Variants in MYO18B observed in about 807,000 individuals in gnomAD.
MYO18B encodes the protein myosin XVIIIB.
MYO18B carries 204 observed loss-of-function variants against 273.0 expected under a neutral mutation model. The observed-to-expected ratio is 0.75, with a 90% CI of 0.67 to 0.84. The LOEUF (loss-of-function observed/expected upper bound fraction) is 0.84. Ranked by LOEUF, MYO18B falls within the 40% of genes least tolerant of loss-of-function variation. The probability of loss-of-function intolerance (pLI) is 0.00; values close to 1 mark genes in which losing one functional copy is unlikely to be tolerated. For synonymous variants in MYO18B, 1,330 were observed against 1,305.7 expected, an observed-to-expected ratio of 1.02 and a Z score of -0.40; for missense variants, 3,212 against 3,287.6, an observed-to-expected ratio of 0.98 and a Z score of 0.56.
At position 25,756,936 on chromosome 22, in the gene MYO18B, C is replaced by T. The variant is rs559691928; in HGVS notation, c.-109-4048C>T. On this transcript the variant is annotated intron_variant, in intron 1 of 43. Transcript: ENST00000335473. ...ATTAGCCAGGCATGGTGGCATGTGC[C>T]TGTAATCCCAGCTACTCAGGAGGCT... is the stretch of plus-strand genomic sequence containing the variant. 2.8e-4 allele frequency among the ~76,000 whole-genome samples: 43 copies of T among 152,292 alleles called. No homozygotes were observed. The South Asian group carries it at 8.9e-3, about 32-fold the overall frequency.
At chr22:25,782,580 G>T (rs1353712774) in intron 10 of MYO18B, among the ~76,000 whole-genome samples, 1 of 152,218 alleles carries the variant, frequency 6.6e-6, no homozygotes, top group East Asian at 1.9e-4. Context: ...TTCCTCCTCT[G>T]TTGGATGGAT....
chr22:25,768,268 G>C lies in MYO18B; in HGVS notation c.352G>C (p.Glu118Gln), dbSNP rs1222622097. 1.2e-6 allele frequency: 2 copies of C among 1,613,892 alleles called. No individual in the cohort carries two copies. The highest frequency in any genetic ancestry group is 1.7e-6 in the Non-Finnish European group (2 of 1,179,906). Residue 118 changes from glutamate to glutamine, a missense_variant, in exon 4 of 44, where the codon GAG (glutamate) becomes CAG (glutamine). Coordinates refer to ENST00000335473, the MANE Select transcript of MYO18B (RefSeq NM_032608.7). ...CGAGGGGTCCCGCAGCCCCGACCCT[G>C]AGCAGATGACAAGCATCAATGGTGA... ...ESEGSRSPDP[E>Q]QMTSINGEKA...
At chr22:26,016,292 C>A (rs950595498) in intron 42 of MYO18B, among the ~76,000 whole-genome samples, 1 of 152,202 alleles carries the variant, frequency 6.6e-6, no homozygotes, top group South Asian at 2.1e-4. Context: ...CCAGTACTTG[C>A]ACCATCTCAT....
chr22:25,755,904 TTTC>T (rs2146561900), intron 1 of MYO18B, among the ~76,000 whole-genome samples: 1 of 151,884 alleles, frequency 6.6e-6, no homozygotes, highest in African/African-American at 2.4e-5. Context: ...TTTTTCTTTC[TTTC>T]TTTTTTTTTT....
the MYO18B span, among the ~76,000 whole-genome samples, chr22:26,040,532 G>A: frequency 6.6e-6 from 1 of 152,198 alleles, no homozygotes; most frequent in East Asian, 1.9e-4. Flanking sequence ...GACGCTGAAA[G>A]CCTGGAGGAG....
intron 7 of MYO18B, among the ~76,000 whole-genome samples, chr22:25,776,244 A>G (rs2086909547): frequency 6.6e-6 from 1 of 152,164 alleles, no homozygotes; most frequent in Non-Finnish European, 1.5e-5. Context: ...TATTTCATTG[A>G]TGCACTACTG....
At chr22:25,929,998 C>T (rs2092475051) in intron 34 of MYO18B, among the ~76,000 whole-genome samples, 2 of 152,274 alleles carry the variant, frequency 1.3e-5, no homozygotes, top group Middle Eastern at 3.4e-3. Flanking sequence ...TATTTTGGCA[C>T]CTACCCTCCT....
In MYO18B at chr22:25,946,261, C is replaced by T. The variant is rs1569221539; in HGVS notation, c.5631+11C>T. 4 of 1,550,628 alleles carry T rather than the reference C, an allele frequency of 2.6e-6. No homozygotes were observed. The highest frequency in any genetic ancestry group is 3.5e-6 in the Non-Finnish European group (4 of 1,145,696). Reference sequence around the variant, plus strand: ...CGGAACAAGAGCCTGGTACCTGTCCCTTCCTGCAGCTGCAGGGACCTGGGC... The same window carrying T: ...CGGAACAAGAGCCTGGTACCTGTCCTTTCCTGCAGCTGCAGGGACCTGGGC... On this transcript the variant is annotated intron_variant, in intron 35 of 43. Coordinates refer to ENST00000335473, the MANE Select transcript of MYO18B (RefSeq NM_032608.7).
At chr22:25,851,361 C>G (rs1234537657) in intron 20 of MYO18B, 109 bp from the exon 21 acceptor site, 7 of 705,332 alleles carry the variant, frequency 9.9e-6, no homozygotes, top group Non-Finnish European at 1.7e-5. Flanking sequence ...AAGTTAGTAG[C>G]CAGGCTAGGA....
chr22:25,994,380 C>G (rs1933009587), intron 40 of MYO18B, among the ~76,000 whole-genome samples: 1 of 152,206 alleles, frequency 6.6e-6, no homozygotes, highest in Admixed American at 6.5e-5. Flanking sequence ...GTAGGAGGAT[C>G]ATTTCAACCC....
chr22:25,796,950 C>T (rs186557178), intron 11 of MYO18B, among the ~76,000 whole-genome samples: 129 of 152,112 alleles, frequency 8.5e-4, no homozygotes, highest in African/African-American at 2.9e-3. Flanking sequence ...TGCTTCCAGA[C>T]GGCGTGGTGG....
At chr22:25,884,948 CACT>C (rs1162978321) in intron 25 of MYO18B, 3 of 152,126 alleles carry the variant, frequency 2.0e-5, no homozygotes, top group Non-Finnish European at 2.9e-5. Flanking sequence ...GCCACATCAC[CACT>C]ATTACCAATA....
chr22:25,874,637 A>T (rs1274657670), intron 23 of MYO18B, among the ~76,000 whole-genome samples: 1 of 152,196 alleles, frequency 6.6e-6, no homozygotes, highest in Non-Finnish European at 1.5e-5. Context: ...AGGTTGTCCA[A>T]GCCCTCCTGG....
At chr22:25,992,339 T>C in intron 39 of MYO18B, 24 bp from the exon 40 acceptor site, 1 of 1,612,270 alleles carries the variant, frequency 6.2e-7, no homozygotes, top group South Asian at 1.1e-5. Flanking sequence ...AAGGCCAACG[T>C]GTGTTTGCAT....
chr22:25,779,351 GA>G (rs1293312987), intron 8 of MYO18B, among the ~76,000 whole-genome samples: 1 of 152,158 alleles, frequency 6.6e-6, no homozygotes, highest in Non-Finnish European at 1.5e-5. Flanking sequence ...AATTATTAAT[GA>G]ATTAACTAGT....
rs113619988 is a variant in MYO18B at position 25,758,104 on chromosome 22, C to T, written c.-109-2880C>T. Among the ~76,000 whole-genome samples, 404 of 152,276 alleles carry T rather than the reference C, an allele frequency of 2.7e-3. 2 individuals are homozygous for T. The highest frequency in any genetic ancestry group is 9.2e-3 in the African/African-American group (384 of 41,544). On this transcript the variant is annotated intron_variant, in intron 1 of 43. Coordinates refer to ENST00000335473, the MANE Select transcript of MYO18B (RefSeq NM_032608.7). ...TCTTGGCTTACTGCAACCTCCGCCT[C>T]CCGGATTCAAGCAATTCTCCCACAT...
the MYO18B span, among the ~76,000 whole-genome samples, chr22:26,042,917 AT>A: frequency 2.0e-5 from 3 of 152,288 alleles, no homozygotes; most frequent in South Asian, 6.2e-4. Flanking sequence ...CATGTTTCTA[AT>A]TTTTTTGTTG....
chr22:25,954,659 C>T (rs1358869730), intron 38 of MYO18B, among the ~76,000 whole-genome samples: 1 of 152,050 alleles, frequency 6.6e-6, no homozygotes, highest in Non-Finnish European at 1.5e-5. Flanking sequence ...GTCTTGGGGG[C>T]AAGGGTTCTC....
chr22:25,789,387 G>A (rs111343016), intron 11 of MYO18B, among the ~76,000 whole-genome samples: 175 of 152,156 alleles, frequency 1.2e-3, no homozygotes, highest in African/African-American at 3.6e-3. Flanking sequence ...TGTAATCCCA[G>A]CACGTTGGGA....
Sources: allele counts gnomAD v4.1 joint callset (sites outside exome capture counted in the v4.1 genomes callset), GRCh38; gene constraint gnomAD v4.1.1; transcripts MANE v1.5; gene names NCBI Gene and HGNC (gene_info 2026-07-23, HGNC 2026-07-21).